DIS3L2: variants seen among roughly 807,000 people sequenced by gnomAD.
DIS3L2 encodes the protein DIS3 like 3'-5' exoribonuclease 2, also known as DIS3-like exonuclease 2.
A neutral mutation model predicts 97.5 loss-of-function variants in DIS3L2; 34 were observed. The observed-to-expected ratio is 0.35, with a 90% CI of 0.27 to 0.46. The LOEUF (loss-of-function observed/expected upper bound fraction) is 0.46. DIS3L2 is among the 20% of genes least tolerant of loss of function. The pLI is 1.00. For missense variants in DIS3L2, 1,038 were observed against 1,146.0 expected (o/e 0.91, Z 1.36); for synonymous variants, 435 against 445.2 (o/e 0.98, Z 0.29).
At chr2:232,092,444 G>A (rs1355407846) in intron 6 of DIS3L2, among the ~76,000 whole-genome samples, 1 of 151,870 alleles carries the variant, frequency 6.6e-6, no homozygotes, top group Non-Finnish European at 1.5e-5. Flanking sequence ...TATGAAGAGT[G>A]TCATTGGTAT....
At chr2:232,248,416 A>G (rs1482808948) in intron 11 of DIS3L2, among the ~76,000 whole-genome samples, 1 of 151,934 alleles carries the variant, frequency 6.6e-6, no homozygotes, top group Non-Finnish European at 1.5e-5. Context: ...GGGAAAAGGA[A>G]CAGATAGTGG....
Position 232,334,278 on chromosome 2 carries a change from CG to C in DIS3L2, c.2159-86del, listed in dbSNP as rs1342735376. The stretch of plus-strand genomic sequence containing the variant: ...GGTGCTTGGGGTCCTAATCTGTCGG[CG>C]GGGGTGCAGCGCCATGCAGCCCATC... On this transcript the variant is annotated intron_variant, in intron 17 of 20. Coordinates refer to ENST00000325385, the MANE Select transcript of DIS3L2 (RefSeq NM_152383.5). 5 of 1,462,094 alleles carry C rather than the reference CG, an allele frequency of 3.4e-6. No homozygotes were observed. The African/African-American group carries it at 7.0e-5, about 20-fold the overall frequency. The allele number at this position is 1,462,094 out of a possible 1,614,324, so 90.6% of individuals were successfully genotyped here. A position where few individuals can be genotyped will look rare whatever the true frequency, so the allele number is the denominator to read the frequency against.
intron 9 of DIS3L2, among the ~76,000 whole-genome samples, chr2:232,175,777 G>A (rs1165342212): frequency 1.3e-5 from 2 of 152,048 alleles, no homozygotes; most frequent in African/African-American, 4.8e-5. Flanking sequence ...GCTTTTGTGT[G>A]TGTGTCGGCG....
chr2:232,255,758 GT>G (rs1693543017), intron 12 of DIS3L2, among the ~76,000 whole-genome samples: 1 of 152,134 alleles, frequency 6.6e-6, no homozygotes, highest in Admixed American at 6.5e-5. Context: ...TCCCTGCTGT[GT>G]GCTGTACAGG....
chr2:232,098,675 A>G (rs1697103066), intron 6 of DIS3L2, among the ~76,000 whole-genome samples: 1 of 152,112 alleles, frequency 6.6e-6, no homozygotes, highest in Non-Finnish European at 1.5e-5. Flanking sequence ...TTTTTGTAAT[A>G]TAGATTAAGT....
intron 8 of DIS3L2, among the ~76,000 whole-genome samples, chr2:232,159,385 C>T (rs1279262625): frequency 6.6e-6 from 1 of 152,284 alleles, no homozygotes; most frequent in South Asian, 2.1e-4. Context: ...TCCTAAGCAG[C>T]CTTTTGTCTT....
At position 232,343,654 on chromosome 2, in the gene DIS3L2, G is replaced by A. The variant is rs77750940; in HGVS notation, c.*79G>A. 5,343 of 1,455,714 alleles carry A rather than the reference G, an allele frequency of 3.7e-3. 179 individuals carry two copies. In the African/African-American group the frequency reaches 0.069, roughly 19 times the overall value. 90.2% of individuals were successfully genotyped at this position (1,455,714 alleles called of 1,614,324 possible). ...AAACAGGTAAAGGCTGAAAAGGCCA[G>A]ACTTCTAAAAGGTCCAGTAGAAAAG... is the stretch of plus-strand genomic sequence containing the variant. On this transcript the variant is annotated 3_prime_UTR_variant, in exon 14 of 14. Coordinates refer to the DIS3L2 transcript ENST00000273009.
chr2:232,107,308 A>G (rs1354266611), intron 6 of DIS3L2, among the ~76,000 whole-genome samples: 2 of 152,236 alleles, frequency 1.3e-5, no homozygotes, highest in African/African-American at 4.8e-5. Flanking sequence ...AAAATTAAGA[A>G]GTCCAGGAGC....
At chr2:232,300,652 C>CTTT (rs35570747) in intron 14 of DIS3L2, among the ~76,000 whole-genome samples, 12 of 121,482 alleles carry the variant, frequency 9.9e-5, no homozygotes, top group Non-Finnish European at 1.5e-4. Context: ...TAGACTGCTC[C>CTTT]TTTTTTTTTT....
At chr2:232,244,956 AG>A (rs1384497492) in intron 11 of DIS3L2, among the ~76,000 whole-genome samples, 1 of 152,192 alleles carries the variant, frequency 6.6e-6, no homozygotes, top group African/African-American at 2.4e-5. Context: ...GAAGTAGGAA[AG>A]GGCGATTATA....
chr2:232,203,289 A>G (rs1421014738), intron 9 of DIS3L2, among the ~76,000 whole-genome samples: 1 of 152,218 alleles, frequency 6.6e-6, no homozygotes, highest in African/African-American at 2.4e-5. Context: ...AGACAGACCC[A>G]GAGTCACGGA....
At chr2:232,097,800 G>C (rs1298998244) in intron 6 of DIS3L2, among the ~76,000 whole-genome samples, 1 of 152,072 alleles carries the variant, frequency 6.6e-6, no homozygotes, top group Non-Finnish European at 1.5e-5. Flanking sequence ...TTTTTTCTCT[G>C]CTTTTCTCAA....
chr2:232,288,368 A>G (rs1694502135), intron 13 of DIS3L2, among the ~76,000 whole-genome samples: 1 of 152,222 alleles, frequency 6.6e-6, no homozygotes, highest in African/African-American at 2.4e-5. Flanking sequence ...CGTCTCTTCT[A>G]ACTGATATAG....
At chr2:232,144,804 T>C (rs1690171438) in intron 8 of DIS3L2, among the ~76,000 whole-genome samples, 1 of 152,200 alleles carries the variant, frequency 6.6e-6, no homozygotes, top group Non-Finnish European at 1.5e-5. Context: ...TTTACACTTT[T>C]AAAGAGTACT....
At chr2:231,978,529 T>G (rs1025559821) in intron 1 of DIS3L2, 9 of 152,248 alleles carry the variant, frequency 5.9e-5, no homozygotes, top group African/African-American at 2.2e-4. Flanking sequence ...TAATTTTCCT[T>G]ATTCATCTCA....
downstream of DIS3L2, chr2:232,340,927 A>G (rs1696089616): frequency 4.2e-6 from 2 of 471,000 alleles, no homozygotes; most frequent in South Asian, 3.1e-5. Flanking sequence ...AACACAGACC[A>G]TAGAGGAAAA....
chr2:231,988,264 C>T (rs1377134831), intron 1 of DIS3L2, among the ~76,000 whole-genome samples: 1 of 152,132 alleles, frequency 6.6e-6, no homozygotes, highest in Non-Finnish European at 1.5e-5. Flanking sequence ...TTGGATTGCT[C>T]CAAACCCTAG....
At chr2:232,183,597 TG>T (rs1316863873) in intron 9 of DIS3L2, among the ~76,000 whole-genome samples, 4 of 152,342 alleles carry the variant, frequency 2.6e-5, no homozygotes, top group Non-Finnish European at 5.9e-5. Context: ...CCCAGGAATG[TG>T]TCAGACCTTT....
chr2:231,972,612 C>G (rs1303251241), intron 1 of DIS3L2, among the ~76,000 whole-genome samples: 2 of 152,200 alleles, frequency 1.3e-5, no homozygotes, highest in Non-Finnish European at 2.9e-5. Flanking sequence ...GGTGCAATCT[C>G]AGCTCACTGC....
Sources: gnomAD v4.1 joint callset for allele counts (sites outside exome capture counted in the v4.1 genomes callset) on GRCh38, gnomAD v4.1.1 for gene constraint, MANE v1.5 for transcripts, NCBI Gene and HGNC (gene_info 2026-07-23, HGNC 2026-07-21) for gene names.